Variants in ANKS1B observed in about 807,000 individuals in gnomAD.
ANKS1B encodes ankyrin repeat and sterile alpha motif domain-containing protein 1B.
A neutral mutation model predicts 148.3 loss-of-function variants in ANKS1B; 36 were observed. The ratio of observed to expected loss-of-function variants is 0.24; its 90% CI spans 0.19 to 0.32. The LOEUF is 0.32. Among genes scored for constraint, ANKS1B ranks in the 10% least tolerant of loss-of-function variants. ANKS1B has a pLI of 1.00. For synonymous variants in ANKS1B, 542 were observed against 560.8 expected (o/e 0.97, Z 0.47); for missense variants, 1,157 against 1,542.6 (o/e 0.75, Z 4.19).
chr12:98,920,609 C>T (rs950384485), intron 17 of ANKS1B, among the ~76,000 whole-genome samples: 1 of 152,174 alleles, frequency 6.6e-6, no homozygotes, highest in South Asian at 2.1e-4. Context: ...GAAGGACCTG[C>T]ACCCATGATT....
intron 11 of ANKS1B, among the ~76,000 whole-genome samples, chr12:99,409,849 G>C (rs538139351): frequency 6.6e-6 from 1 of 152,208 alleles, no homozygotes; most frequent in African/African-American, 2.4e-5. Context: ...GTATAAAAAA[G>C]AAAAAGTGTT....
chr12:99,500,208 GAAGAGAGC>G (rs2096642078), intron 10 of ANKS1B, among the ~76,000 whole-genome samples: 1 of 152,170 alleles, frequency 6.6e-6, no homozygotes, highest in African/African-American at 2.4e-5. Context: ...AACAAGCCAG[GAAGAGAGC>G]TCTCACCAGA....
intron 17 of ANKS1B, among the ~76,000 whole-genome samples, chr12:98,928,822 C>T (rs150280482): frequency 8.6e-5 from 13 of 151,998 alleles, no homozygotes; most frequent in African/African-American, 2.9e-4. Context: ...ATATATAGAA[C>T]CCATACGGCT....
intron 12 of ANKS1B, among the ~76,000 whole-genome samples, chr12:99,344,183 A>ATG (rs2090334448): frequency 1.3e-5 from 2 of 151,882 alleles, no homozygotes; most frequent in African/African-American, 2.4e-5. Flanking sequence ...TGCCCTAGCT[A>ATG]CACAAACCAC....
chr12:99,361,034 C>T (rs539811821), intron 12 of ANKS1B, among the ~76,000 whole-genome samples: 142 of 152,060 alleles, frequency 9.3e-4, no homozygotes, highest in African/African-American at 2.9e-3. Flanking sequence ...TGAAGAAGAC[C>T]TACTATTTGA....
At chr12:99,849,367 C>T (rs993774221) in intron 1 of ANKS1B, among the ~76,000 whole-genome samples, 2 of 152,014 alleles carry the variant, frequency 1.3e-5, no homozygotes, top group African/African-American at 4.8e-5. Flanking sequence ...CACTACATAT[C>T]CACCAGAATG....
intron 1 of ANKS1B, among the ~76,000 whole-genome samples, chr12:99,975,827 G>A (rs529690712): frequency 3.3e-5 from 5 of 152,180 alleles, no homozygotes; most frequent in South Asian, 2.1e-4. Flanking sequence ...GCTACCATTC[G>A]ACCCAGCAAT....
chr12:99,762,949 C>A (rs188637923), intron 8 of ANKS1B, among the ~76,000 whole-genome samples: 250 of 152,090 alleles, frequency 1.6e-3, no homozygotes, highest in Middle Eastern at 3.4e-3. Flanking sequence ...TGAATGCAAT[C>A]TCACACCTGT....
chr12:99,061,481 G>T (rs2042435155), intron 16 of ANKS1B, among the ~76,000 whole-genome samples: 1 of 152,238 alleles, frequency 6.6e-6, no homozygotes, highest in Non-Finnish European at 1.5e-5. Context: ...GCTTCCTGGT[G>T]ATGCTAATGC....
chr12:99,272,378 A>G (rs570740066), intron 12 of ANKS1B, among the ~76,000 whole-genome samples: 3 of 152,308 alleles, frequency 2.0e-5, no homozygotes, highest in African/African-American at 7.2e-5. Flanking sequence ...CAATTCTGGG[A>G]AAATGATGAA....
chr12:99,026,484 T>C (rs1265204207), intron 17 of ANKS1B, among the ~76,000 whole-genome samples: 2 of 152,158 alleles, frequency 1.3e-5, no homozygotes, highest in Non-Finnish European at 2.9e-5. Flanking sequence ...AGCCTCTAGA[T>C]TACCTAAGAC....
chr12:99,230,436 C>G (rs1388121426), intron 14 of ANKS1B, among the ~76,000 whole-genome samples: 2 of 152,090 alleles, frequency 1.3e-5, no homozygotes, highest in Admixed American at 1.3e-4. Flanking sequence ...TAGGCCCCTT[C>G]TGGAGGGTTA....
chr12:99,646,419 G>A (rs1348025658), intron 9 of ANKS1B, among the ~76,000 whole-genome samples: 1 of 151,994 alleles, frequency 6.6e-6, no homozygotes, highest in Non-Finnish European at 1.5e-5. Flanking sequence ...AGCACTTGGG[G>A]GGCCAAGGCG....
intron 1 of ANKS1B, among the ~76,000 whole-genome samples, chr12:99,844,229 G>A (rs187351812): frequency 0.013 from 1,976 of 152,104 alleles, 17 homozygotes; most frequent in Non-Finnish European, 0.019. Flanking sequence ...CTTTTGCTGT[G>A]CAGAAGCTGT....
intron 17 of ANKS1B, among the ~76,000 whole-genome samples, chr12:98,926,331 G>T (rs2099808128): frequency 6.6e-6 from 1 of 152,118 alleles, no homozygotes; most frequent in African/African-American, 2.4e-5. Flanking sequence ...AGATAACACA[G>T]AATTTACAGA....
At chr12:99,224,201 G>A (rs1184017849) in intron 14 of ANKS1B, among the ~76,000 whole-genome samples, 4 of 151,994 alleles carry the variant, frequency 2.6e-5, no homozygotes, top group African/African-American at 9.7e-5. Context: ...ATTGCATGGA[G>A]AAAAAAGAAT....
At chr12:99,742,208 G>C (rs192104728) in intron 8 of ANKS1B, among the ~76,000 whole-genome samples, 1 of 150,494 alleles carries the variant, frequency 6.6e-6, no homozygotes, top group Non-Finnish European at 1.5e-5. Flanking sequence ...CATGACATAA[G>C]TTTAGCTATG....
chr12:99,122,810 A>G (rs1026685752), intron 15 of ANKS1B, among the ~76,000 whole-genome samples: 22 of 152,044 alleles, frequency 1.4e-4, no homozygotes, highest in African/African-American at 5.3e-4. Context: ...AATTATTTAA[A>G]GCATGGTACT....
At chr12:99,058,610 T>G (rs1223991353) in intron 16 of ANKS1B, among the ~76,000 whole-genome samples, 3 of 152,208 alleles carry the variant, frequency 2.0e-5, no homozygotes, top group East Asian at 1.9e-4. Flanking sequence ...GTTTGATTTT[T>G]GGGGCATAAT....
Sources: gnomAD v4.1 joint callset for allele counts (sites outside exome capture counted in the v4.1 genomes callset) on GRCh38, gnomAD v4.1.1 for gene constraint, MANE v1.5 for transcripts, NCBI Gene and HGNC (gene_info 2026-07-23, HGNC 2026-07-21) for gene names.